The following SYNE2 variants were observed in gnomAD, a reference collection of about 807,000 sequenced individuals.
SYNE2 encodes the protein spectrin repeat containing nuclear envelope protein 2, also known as nesprin-2.
Under a neutral mutation model 856.3 loss-of-function variants are expected in SYNE2, and 431 were observed. The ratio of observed to expected loss-of-function variants is 0.50; its 90% CI spans 0.47 to 0.55. The LOEUF (loss-of-function observed/expected upper bound fraction) is 0.55, where lower values mean the gene tolerates loss of function less well. Among genes scored for constraint, SYNE2 ranks in the 20% least tolerant of loss-of-function variants. SYNE2 has a pLI of 0.00. For synonymous variants in SYNE2, 2,923 were observed against 2,872.3 expected, an observed-to-expected ratio of 1.02 and a Z score of -0.56; for missense variants, 8,129 against 8,023.2, an observed-to-expected ratio of 1.01 and a Z score of -0.50.
chr14:63,987,123 C>T (rs940186155), intron 19 of SYNE2, among the ~76,000 whole-genome samples: 6 of 152,166 alleles, frequency 3.9e-5, no homozygotes, highest in Non-Finnish European at 8.8e-5. Flanking sequence ...CGTGGTGGCG[C>T]GCACGCCTGT....
chr14:63,857,027 C>T (rs1404729686), intron 1 of SYNE2, among the ~76,000 whole-genome samples: 2 of 152,156 alleles, frequency 1.3e-5, no homozygotes, highest in Non-Finnish European at 2.9e-5. Context: ...ACCTCAGCCT[C>T]CCAAAGTGCT....
chr14:63,936,032 G>A (rs2095827046), intron 2 of SYNE2, among the ~76,000 whole-genome samples: 1 of 152,054 alleles, frequency 6.6e-6, no homozygotes, highest in African/African-American at 2.4e-5. Flanking sequence ...CCACCACCAT[G>A]CCTGGCTAAT....
chr14:63,964,552 T>C (rs1269104942), intron 10 of SYNE2, among the ~76,000 whole-genome samples: 1 of 152,120 alleles, frequency 6.6e-6, no homozygotes, highest in Non-Finnish European at 1.5e-5. Context: ...GAGACGGAGT[T>C]TTGCTCTCGT....
chr14:64,077,488 A>G (rs933983079), intron 54 of SYNE2, among the ~76,000 whole-genome samples: 8 of 152,152 alleles, frequency 5.3e-5, no homozygotes, highest in African/African-American at 1.9e-4. Context: ...CTGGGACTCA[A>G]TCTAGGGACT....
At chr14:63,775,344 G>A (rs981810601) in intron 1 of SYNE2, among the ~76,000 whole-genome samples, 2 of 151,052 alleles carry the variant, frequency 1.3e-5, no homozygotes, top group East Asian at 1.9e-4. Flanking sequence ...GTGTGATCTC[G>A]GCTCACTGCA....
intron 1 of SYNE2, among the ~76,000 whole-genome samples, chr14:63,853,699 G>A (rs1891000153): frequency 6.6e-6 from 1 of 151,594 alleles, no homozygotes; most frequent in Admixed American, 6.6e-5. Context: ...GGGTCGGGGC[G>A]CACCGGGGCT....
intron 1 of SYNE2, among the ~76,000 whole-genome samples, chr14:63,768,147 G>A (rs1886758159): frequency 6.6e-6 from 1 of 151,792 alleles, no homozygotes; most frequent in African/African-American, 2.4e-5. Context: ...CCATGATCAT[G>A]CCACTGCAAT....
chr14:64,101,976 A>G lies in SYNE2; in HGVS notation c.12426A>G (p.Ser4142=). 6.2e-7 allele frequency: 1 copy of G among 1,614,118 alleles called. No individual in the cohort carries two copies. Among genetic ancestry groups the G allele is most frequent in the Non-Finnish European group, 8.5e-7 (1 of 1,179,986 alleles). Residue 4142 remains serine, a synonymous_variant, in exon 64 of 116, where the codon TCA becomes TCG. Coordinates refer to ENST00000555002, the MANE Select transcript of SYNE2 (RefSeq NM_182914.3). ...AGCCATCGCCTCAGTCTTGGTCTTC[A>G]CTTTGGAAGCATGACAAGGACATGG... ...KAEPSPQSWS[S]LWKHDKDMEE...
intron 2 of SYNE2, among the ~76,000 whole-genome samples, chr14:63,926,680 T>G (rs926558536): frequency 2.5e-4 from 38 of 152,218 alleles, no homozygotes; most frequent in African/African-American, 9.2e-4. Flanking sequence ...AGTAACCCGA[T>G]GAAGTAGATA....
intron 11 of SYNE2, among the ~76,000 whole-genome samples, chr14:63,969,827 T>G (rs895922778): frequency 6.6e-6 from 1 of 152,218 alleles, no homozygotes; most frequent in African/African-American, 2.4e-5. Context: ...TGTCCAATTC[T>G]ATTATATTTT....
At chr14:64,004,452 C>T (rs543424002) in intron 30 of SYNE2, among the ~76,000 whole-genome samples, 59 of 151,950 alleles carry the variant, frequency 3.9e-4, no homozygotes, top group African/African-American at 1.3e-3. Context: ...TACCTCAGCC[C>T]CCCAGTAGCT....
intron 83 of SYNE2, 21 bp downstream of exon 83, chr14:64,143,969 T>G (rs778704608): frequency 3.1e-6 from 5 of 1,613,806 alleles, no homozygotes; most frequent in Non-Finnish European, 4.2e-6. Flanking sequence ...GCGTCACAAC[T>G]GGATGTGTGG....
intron 100 of SYNE2, among the ~76,000 whole-genome samples, chr14:64,203,739 C>T (rs905410742): frequency 2.0e-5 from 3 of 152,160 alleles, no homozygotes; most frequent in African/African-American, 7.2e-5. Context: ...TGGGCAGATT[C>T]TGTTTCAACC....
intron 64 of SYNE2, among the ~76,000 whole-genome samples, chr14:64,105,916 G>A (rs1000358332): frequency 2.6e-5 from 4 of 151,770 alleles, no homozygotes; most frequent in African/African-American, 7.3e-5. Context: ...AAAATTAGCC[G>A]GTCGTGGTGG....
intron 65 of SYNE2, among the ~76,000 whole-genome samples, chr14:64,112,621 C>T (rs926126720): frequency 6.6e-6 from 1 of 152,208 alleles, no homozygotes; most frequent in African/African-American, 2.4e-5. Flanking sequence ...GAACACACCA[C>T]ACTTTCTTTA....
At chr14:64,105,941 C>T (rs2097768104) in intron 64 of SYNE2, among the ~76,000 whole-genome samples, 1 of 151,424 alleles carries the variant, frequency 6.6e-6, no homozygotes, top group Admixed American at 6.6e-5. Context: ...TGCCTATAGT[C>T]CCAGAGATTG....
intron 1 of SYNE2, among the ~76,000 whole-genome samples, chr14:63,872,630 C>T (rs983504193): frequency 4.6e-5 from 7 of 151,578 alleles, no homozygotes; most frequent in African/African-American, 9.7e-5. Context: ...GTGGTGGTGA[C>T]GGGTGCCTGT....
intron 1 of SYNE2, among the ~76,000 whole-genome samples, chr14:63,821,591 TAAA>T: frequency 7.0e-6 from 1 of 142,666 alleles, no homozygotes; most frequent in East Asian, 2.0e-4. Context: ...CCATCTCTAT[TAAA>T]AAAAAAAAAA....
At chr14:63,850,743 T>C (rs1177341364), upstream of SYNE2, among the ~76,000 whole-genome samples, 2 of 152,150 alleles carry the variant, frequency 1.3e-5, no homozygotes, top group Non-Finnish European at 2.9e-5. Flanking sequence ...TTTTGAGACA[T>C]TGTATTCTGG....
Sources: gnomAD v4.1 joint callset for allele counts (sites outside exome capture counted in the v4.1 genomes callset) on GRCh38, gnomAD v4.1.1 for gene constraint, MANE v1.5 for transcripts, NCBI Gene and HGNC (gene_info 2026-07-23, HGNC 2026-07-21) for gene names.